GRHL2: variants seen among roughly 807,000 people sequenced by gnomAD.
GRHL2 encodes the protein grainyhead-like protein 2 homolog.
GRHL2 carries 21 observed loss-of-function variants against 83.8 expected under a neutral mutation model. The ratio of observed to expected loss-of-function variants is 0.25; its 90% confidence interval spans 0.18 to 0.36. GRHL2 has a LOEUF of 0.36. Among genes scored for constraint, GRHL2 ranks in the 10% least tolerant of loss-of-function variants. The pLI, the probability that GRHL2 is intolerant of heterozygous loss-of-function variation, is 1.00. For missense variants in GRHL2, 623 were observed against 781.8 expected (o/e 0.80, Z 2.42); for synonymous variants, 280 against 278.9 (o/e 1.00, Z -0.04).
intron 1 of GRHL2, among the ~76,000 whole-genome samples, chr8:101,505,476 C>T (rs559543899): frequency 4.3e-4 from 63 of 147,512 alleles, no homozygotes; most frequent in Non-Finnish European, 7.9e-4. Flanking sequence ...ACTCGGGAGG[C>T]TGAGTCAGGA....
Position 101,652,615 on chromosome 8 carries a change from T to TGTGTGTGTGTGTG in GRHL2, c.1698+3117_1698+3129dup, listed in dbSNP as rs1813697003. 2.2e-4 allele frequency among the ~76,000 whole-genome samples: 27 copies of TGTGTGTGTGTGTG among 120,160 alleles called. 1 individual carries two copies. The highest frequency in any genetic ancestry group is 5.1e-4 in the Admixed American group (6 of 11,770). The allele number at this position is 120,160 out of a possible 152,430, so 78.8% of individuals were successfully genotyped here. A position where few individuals can be genotyped will look rare whatever the true frequency, so the allele number is the denominator to read the frequency against. On this transcript the variant is annotated intron_variant, in intron 14 of 15. Coordinates refer to ENST00000646743, the MANE Select transcript of GRHL2 (RefSeq NM_024915.4). Reference sequence around the variant, plus strand: ...GTGTGTGTGTGGTGTGTGTGTGTGGTGTGTGTGTGTGTGTACTATACAGAC... The same window carrying TGTGTGTGTGTGTG: ...GTGTGTGTGTGGTGTGTGTGTGTGGTGTGTGTGTGTGTGGTGTGTGTGTGTGTACTATACAGAC...
intron 14 of GRHL2, among the ~76,000 whole-genome samples, chr8:101,651,648 C>T (rs768667284): frequency 6.6e-5 from 10 of 152,158 alleles, no homozygotes; most frequent in Admixed American, 3.3e-4. Context: ...CTACCCTCCC[C>T]GCCTCAGCAG....
At chr8:101,540,756 T>C (rs992465159) in intron 1 of GRHL2, among the ~76,000 whole-genome samples, 5 of 152,188 alleles carry the variant, frequency 3.3e-5, no homozygotes, top group African/African-American at 9.7e-5. Context: ...GGAGATCCCA[T>C]AGGAATGTCA....
intron 1 of GRHL2, among the ~76,000 whole-genome samples, chr8:101,539,643 TG>T (rs1811111619): frequency 6.6e-6 from 1 of 152,238 alleles, no homozygotes; most frequent in Non-Finnish European, 1.5e-5. Context: ...AGATTAAATA[TG>T]TAAATTTTTC....
chr8:101,672,525 A>G (rs887159162), downstream of GRHL2, among the ~76,000 whole-genome samples: 4 of 151,790 alleles, frequency 2.6e-5, no homozygotes, highest in African/African-American at 9.7e-5. Context: ...GAAGAAACAA[A>G]CAAAGCCTCC....
At chr8:101,498,897 A>G (rs1186411775) in intron 1 of GRHL2, among the ~76,000 whole-genome samples, 1 of 152,038 alleles carries the variant, frequency 6.6e-6, no homozygotes, top group Non-Finnish European at 1.5e-5. Context: ...AACACAGTGA[A>G]ACCCCGTCTC....
intron 1 of GRHL2, among the ~76,000 whole-genome samples, chr8:101,524,864 T>C (rs942747523): frequency 3.9e-5 from 6 of 152,214 alleles, no homozygotes; most frequent in Admixed American, 6.5e-5. Context: ...TCATATATTA[T>C]AATTGCTGAT....
chr8:101,551,859 T>G (rs1205758853), intron 2 of GRHL2, among the ~76,000 whole-genome samples: 7 of 150,244 alleles, frequency 4.7e-5, no homozygotes, highest in Non-Finnish European at 7.4e-5. Context: ...TTTTTGAGAC[T>G]GAGTCTTGCT....
intron 1 of GRHL2, among the ~76,000 whole-genome samples, chr8:101,529,934 GT>G (rs1554583552): frequency 6.6e-6 from 1 of 152,152 alleles, no homozygotes; most frequent in East Asian, 1.9e-4. Flanking sequence ...TTAAGCTCAT[GT>G]TTTTTGTCTG....
At chr8:101,560,514 G>C (rs1010210929) in intron 4 of GRHL2, among the ~76,000 whole-genome samples, 1 of 152,092 alleles carries the variant, frequency 6.6e-6, no homozygotes, top group African/African-American at 2.4e-5. Flanking sequence ...CATTTCTCTC[G>C]GGTAAATACC....
At chr8:101,615,669 G>C (rs1471389198) in intron 8 of GRHL2, among the ~76,000 whole-genome samples, 1 of 152,070 alleles carries the variant, frequency 6.6e-6, no homozygotes, top group Non-Finnish European at 1.5e-5. Context: ...ATGTTTTTCA[G>C]GTGTTCCCTG....
chr8:101,633,712 T>A (rs143492560), intron 11 of GRHL2, among the ~76,000 whole-genome samples: 1 of 152,304 alleles, frequency 6.6e-6, no homozygotes, highest in South Asian at 2.1e-4. Context: ...TTTATCAAGA[T>A]AAGCATGCCA....
chr8:101,523,319 C>T (rs1777201355), intron 1 of GRHL2, among the ~76,000 whole-genome samples: 1 of 151,826 alleles, frequency 6.6e-6, no homozygotes, highest in Admixed American at 6.6e-5. Flanking sequence ...AGGGGAACTG[C>T]ATAAAGATGA....
Position 101,576,641 on chromosome 8 carries a change from G to GT in GRHL2, c.892-758dup, listed in dbSNP as rs1003899438. Among the ~76,000 whole-genome samples the GT allele has an allele frequency of 4.4e-4, 66 of 151,288 alleles. No homozygotes were observed. The East Asian group carries it at 4.8e-3, about 11-fold the overall frequency. ...GTATTCCTGATACTGTAATTAAAGG[G>GT]TTTTTTTTTGGAAGAGGGTTGTTTT... On this transcript the variant is annotated intron_variant, in intron 6 of 15. Transcript: ENST00000646743.
In GRHL2 at chr8:101,638,344, A is replaced by C. The variant is rs1813330867; in HGVS notation, c.1517+1416A>C. 2.0e-5 allele frequency among the ~76,000 whole-genome samples: 3 copies of C among 152,358 alleles called. No individual in the cohort carries two copies. The South Asian group carries it at 6.2e-4, about 32-fold the overall frequency. Reference sequence around the variant, plus strand: ...TATTTTAGTATAGTCTGCAAACTACAAATGGTTTTTACATTTTTTCAATGG... The same window carrying C: ...TATTTTAGTATAGTCTGCAAACTACCAATGGTTTTTACATTTTTTCAATGG... On this transcript the variant is annotated intron_variant, in intron 12 of 15. Transcript: ENST00000646743.
intron 9 of GRHL2, among the ~76,000 whole-genome samples, chr8:101,628,800 T>A (rs1008416929): frequency 3.9e-5 from 6 of 152,100 alleles, no homozygotes; most frequent in Admixed American, 1.3e-4. Context: ...AGTACTTCAG[T>A]AGAGGAAGTA....
intron 5 of GRHL2, 36 bp from the exon 6 acceptor site, chr8:101,573,632 T>C: frequency 6.2e-7 from 1 of 1,613,512 alleles, no homozygotes; most frequent in Non-Finnish European, 8.5e-7. Flanking sequence ...AATGTCCAAG[T>C]GAGTGGATCT....
intron 9 of GRHL2, among the ~76,000 whole-genome samples, chr8:101,629,357 T>A (rs1277004590): frequency 9.2e-5 from 14 of 152,088 alleles, no homozygotes; most frequent in Non-Finnish European, 1.9e-4. Context: ...GTACATTTTT[T>A]AGACATAACG....
chr8:101,664,316 T>C, intron 14 of GRHL2, 138 bp from the exon 15 acceptor site: 1 of 672,312 alleles, frequency 1.5e-6, no homozygotes, highest in Non-Finnish European at 2.7e-6. Flanking sequence ...TAAATGAGTG[T>C]TTTGAGAGTT....
Sources: gnomAD v4.1 joint callset for allele counts (sites outside exome capture counted in the v4.1 genomes callset) on GRCh38, gnomAD v4.1.1 for gene constraint, MANE v1.5 for transcripts, NCBI Gene and HGNC (gene_info 2026-07-23, HGNC 2026-07-21) for gene names.